Variants in PRKD1 observed in about 807,000 individuals in gnomAD.
The protein encoded by PRKD1 is protein kinase D1, also known as serine/threonine-protein kinase D1.
In PRKD1, 63 loss-of-function variants were observed where a neutral mutation model predicts 95.9. The observed-to-expected ratio is 0.66, with a 90% CI of 0.54 to 0.81. PRKD1 has a LOEUF of 0.81. Among genes scored for constraint, PRKD1 ranks in the 30% least tolerant of loss-of-function variants. The pLI, the probability that PRKD1 is intolerant of heterozygous loss-of-function variation, is 0.00. For missense variants in PRKD1, 1,048 were observed against 1,165.3 expected (o/e 0.90, Z 1.47); for synonymous variants, 425 against 423.1 (o/e 1.00, Z -0.05).
chr14:29,810,782 G>A (rs1890450898), intron 1 of PRKD1, among the ~76,000 whole-genome samples: 1 of 152,128 alleles, frequency 6.6e-6, no homozygotes, highest in Admixed American at 6.5e-5. Context: ...AAGTGGGGAA[G>A]TGCAACAAAC....
chr14:29,818,417 T>C (rs970638231), intron 1 of PRKD1, among the ~76,000 whole-genome samples: 1 of 152,248 alleles, frequency 6.6e-6, no homozygotes, highest in African/African-American at 2.4e-5. Flanking sequence ...TGTATTGTGT[T>C]TTAATACCTT....
chr14:29,672,223 C>T (rs2139236219), intron 2 of PRKD1, among the ~76,000 whole-genome samples: 1 of 152,054 alleles, frequency 6.6e-6, no homozygotes, highest in East Asian at 1.9e-4. Flanking sequence ...TGCCTGTAGT[C>T]CCAGCTATTT....
intron 1 of PRKD1, among the ~76,000 whole-genome samples, chr14:29,812,201 A>G (rs1038396215): frequency 2.0e-5 from 3 of 152,204 alleles, no homozygotes; most frequent in African/African-American, 7.2e-5. Flanking sequence ...TCTTTGTATT[A>G]TGTCTTACAA....
intron 2 of PRKD1, among the ~76,000 whole-genome samples, chr14:29,678,211 G>A (rs1883341796): frequency 6.6e-6 from 1 of 152,000 alleles, no homozygotes; most frequent in Admixed American, 6.6e-5. Flanking sequence ...TTAATTGCAT[G>A]TAGGCTCTGA....
At chr14:29,719,298 G>C (rs1837872171) in intron 2 of PRKD1, among the ~76,000 whole-genome samples, 1 of 152,000 alleles carries the variant, frequency 6.6e-6, no homozygotes, top group Non-Finnish European at 1.5e-5. Context: ...AACCTTCAGG[G>C]TTTTCTTAAC....
intron 4 of PRKD1, among the ~76,000 whole-genome samples, chr14:29,660,226 T>C (rs780488446): frequency 1.3e-5 from 2 of 152,252 alleles, no homozygotes; most frequent in African/African-American, 4.8e-5. Context: ...TGTATGCACA[T>C]AGTTTCCGGA....
chr14:29,745,324 C>T (rs1037005738), intron 1 of PRKD1, among the ~76,000 whole-genome samples: 2 of 152,136 alleles, frequency 1.3e-5, no homozygotes, highest in African/African-American at 4.8e-5. Flanking sequence ...CTTTTTCCAT[C>T]CTAGTCACTG....
intron 1 of PRKD1, among the ~76,000 whole-genome samples, chr14:29,791,199 T>C (rs1244679353): frequency 6.6e-6 from 1 of 152,068 alleles, no homozygotes; most frequent in Non-Finnish European, 1.5e-5. Flanking sequence ...AAAGTGAAAC[T>C]GTCTCTGATT....
chr14:29,636,468 C>A lies in PRKD1; in HGVS notation c.1012G>T (p.Asp338Tyr), dbSNP rs1007852343. Residue 338 changes from aspartate (D) to tyrosine (Y), a missense_variant, in exon 7 of 18, where the codon GAT (aspartate) becomes TAT (tyrosine). Around this residue, in one of 3 missense-constraint regions of PRKD1, gnomAD observed 739 missense variants for 861.9 expected, o/e 0.86. Transcript: ENST00000331968. Reference protein sequence around the residue: ...GDLLSPGAESDVVMEEGSDDN... With the variant: ...GDLLSPGAESYVVMEEGSDDN... ...TCACTCCCTTCTTCCATGACCACAT[C>A]AGACTCTGCCCCAGGGCTAAGCAAA... 1 of 1,614,146 alleles carries A rather than the reference C, an allele frequency of 6.2e-7. No individual in the cohort carries two copies. Among genetic ancestry groups the A allele is most frequent in the African/African-American group, 1.3e-5 (1 of 75,052 alleles).
In PRKD1 at chr14:29,675,549, A is replaced by C. The variant is rs144691342; in HGVS notation, c.404-9341T>G. On this transcript the variant is annotated intron_variant, in intron 2 of 17. Transcript: ENST00000331968. ...GTTGGTGAGACTGTAAACTAGTTCA[A>C]CCATTGTGGAAGACAGTGTGGCGAT... 5.5e-3 allele frequency among the ~76,000 whole-genome samples: 845 copies of C among 152,278 alleles called. 6 individuals are homozygous for C. The highest frequency in any genetic ancestry group is 0.019 in the African/African-American group (798 of 41,548).
rs1027674187 is a variant in PRKD1 at position 29,611,455 on chromosome 14, G to T, written c.1906-11638C>A. ...CTTGTATATGTTTGAATTCGATACT[G>T]TAATTTTAGGGGGTGGGGGGAGTGA... is the stretch of plus-strand genomic sequence containing the variant. On this transcript the variant is annotated intron_variant, in intron 13 of 17. Transcript: ENST00000331968. Among the ~76,000 whole-genome samples the T allele has an allele frequency of 2.0e-5, 3 of 151,820 alleles. No homozygotes were observed. In the South Asian group the frequency reaches 6.2e-4, roughly 32 times the overall value.
At chr14:29,756,866 C>T (rs1477769841) in intron 1 of PRKD1, among the ~76,000 whole-genome samples, 1 of 152,202 alleles carries the variant, frequency 6.6e-6, no homozygotes, top group Non-Finnish European at 1.5e-5. Flanking sequence ...TAGCTATTCT[C>T]AACTTTATGA....
chr14:29,921,235 A>C (rs1473221256), intron 1 of PRKD1, among the ~76,000 whole-genome samples: 2 of 152,148 alleles, frequency 1.3e-5, no homozygotes, highest in Non-Finnish European at 2.9e-5. Context: ...TTAGTCCTTA[A>C]AGAATGCTGA....
chr14:29,688,271 C>A (rs1296035266), intron 2 of PRKD1, among the ~76,000 whole-genome samples: 3 of 152,102 alleles, frequency 2.0e-5, no homozygotes, highest in Non-Finnish European at 1.5e-5. Flanking sequence ...AGGATAACCT[C>A]CCTATCTTAA....
At position 29,667,095 on chromosome 14, in the gene PRKD1, G is replaced by T. The variant is rs534245758; in HGVS notation, c.404-887C>A. 1.3e-4 allele frequency among the ~76,000 whole-genome samples: 20 copies of T among 152,222 alleles called. No individual in the cohort carries two copies. In the South Asian group the frequency reaches 4.1e-3, roughly 32 times the overall value. On this transcript the variant is annotated intron_variant, in intron 2 of 17. Coordinates refer to ENST00000331968, the MANE Select transcript of PRKD1 (RefSeq NM_002742.3). ...GAGCTTTTTTCTTAGTGTCCTAATG[G>T]AAAGTGGTGGATCTTTCCAGACCTA...
At chr14:29,768,916 G>A (rs1177784824) in intron 1 of PRKD1, among the ~76,000 whole-genome samples, 1 of 152,082 alleles carries the variant, frequency 6.6e-6, no homozygotes, top group Middle Eastern at 3.2e-3. Flanking sequence ...CTAGCATGAT[G>A]TGCGTTATCC....
At chr14:29,694,452 T>C (rs1010046886) in intron 2 of PRKD1, among the ~76,000 whole-genome samples, 2 of 152,212 alleles carry the variant, frequency 1.3e-5, no homozygotes, top group African/African-American at 4.8e-5. Flanking sequence ...TGTTCTGATA[T>C]TAAACGATGA....
At chr14:29,921,287 C>A (rs1164932210) in intron 1 of PRKD1, among the ~76,000 whole-genome samples, 1 of 152,014 alleles carries the variant, frequency 6.6e-6, no homozygotes, top group Non-Finnish European at 1.5e-5. Flanking sequence ...ATAACTACTT[C>A]TAAGATTTGC....
At chr14:29,643,588 G>A (rs927385684) in intron 4 of PRKD1, among the ~76,000 whole-genome samples, 3 of 152,176 alleles carry the variant, frequency 2.0e-5, no homozygotes, top group African/African-American at 7.2e-5. Flanking sequence ...CCCAGGAAAT[G>A]ATTGCTTAGA....
Sources: allele counts gnomAD v4.1 joint callset (sites outside exome capture counted in the v4.1 genomes callset), GRCh38; gene constraint gnomAD v4.1.1; regional missense constraint gnomAD v4.1.1; transcripts MANE v1.5; gene names NCBI Gene and HGNC (gene_info 2026-07-23, HGNC 2026-07-21).